Variants in SMARCA1 observed in about 807,000 individuals in gnomAD.
The protein encoded by SMARCA1 is SNF2 related chromatin remodeling ATPase 1.
In SMARCA1, 17 loss-of-function variants were observed where a neutral mutation model predicts 93.6. The observed-to-expected ratio is 0.18, with a 90% CI of 0.12 to 0.27. The LOEUF (loss-of-function observed/expected upper bound fraction) is 0.27, where lower values mean the gene tolerates loss of function less well. Ranked by LOEUF, SMARCA1 falls within the 10% of genes least tolerant of loss-of-function variation. SMARCA1 has a pLI of 1.00. For synonymous variants in SMARCA1, 271 were observed against 271.4 expected (o/e 1.00, Z 0.01); for missense variants, 630 against 819.0 (o/e 0.77, Z 2.82).
intron 5 of SMARCA1, among the ~76,000 whole-genome samples, chrX:129,512,284 T>C (rs1353702971): frequency 2.7e-5 from 3 of 112,270 alleles, no homozygotes; most frequent in Non-Finnish European, 3.8e-5. Context: ...CAATCTACTA[T>C]ATAATTTTTC....
chrX:129,472,501 T>A (rs1481057603), intron 19 of SMARCA1, among the ~76,000 whole-genome samples: 1 of 111,573 alleles, frequency 9.0e-6, no homozygotes, highest in Non-Finnish European at 1.9e-5. Context: ...AACTTAAAAA[T>A]TAACTATTAA....
intron 14 of SMARCA1, 99 bp from the exon 15 acceptor site, chrX:129,490,291 C>G: frequency 3.9e-6 from 2 of 508,153 alleles, no homozygotes; most frequent in South Asian, 5.5e-5. Context: ...AGTTATTTTT[C>G]TCTAGATCTG....
At chrX:129,510,689 A>C (rs760939214) in intron 6 of SMARCA1, among the ~76,000 whole-genome samples, 2 of 112,419 alleles carry the variant, frequency 1.8e-5, no homozygotes, top group Non-Finnish European at 3.8e-5. Context: ...CTAGATATTT[A>C]TCTTTTGCTT....
chrX:129,497,878 G>A lies in SMARCA1; in HGVS notation c.1471C>T (p.Leu491=). ...TTGAGTTTGGCCAATAGTTTATCCAGAACTACCATTTTACCACTGTTGCTG... is the reference window on the plus strand; with the variant it reads ...TTGAGTTTGGCCAATAGTTTATCCAAAACTACCATTTTACCACTGTTGCTG... ...IVSNSGKMVV[L]DKLLAKLKEQ... is the part of the protein sequence containing the mutation. The change falls in exon 11 of 25, where the codon CTG becomes TTG. Residue 491 remains leucine (L), a synonymous_variant. Coordinates refer to ENST00000371121, the MANE Select transcript of SMARCA1 (RefSeq NM_001282874.2). The A allele has an allele frequency of 8.3e-7, 1 of 1,206,990 alleles. No homozygotes were observed. Among genetic ancestry groups the A allele is most frequent in the Non-Finnish European group, 1.1e-6 (1 of 891,423 alleles).
chrX:129,482,939 A>G (rs1933747241), intron 17 of SMARCA1, among the ~76,000 whole-genome samples: 1 of 111,013 alleles, frequency 9.0e-6, no homozygotes, highest in Non-Finnish European at 1.9e-5. Context: ...TGGATAATAA[A>G]CCAAGATGAC....
chrX:129,467,840 T>C (rs1307184535), intron 21 of SMARCA1, among the ~76,000 whole-genome samples: 3 of 111,808 alleles, frequency 2.7e-5, no homozygotes, highest in Non-Finnish European at 5.6e-5. Flanking sequence ...GGGGCTATCA[T>C]AGAAACTTAA....
In SMARCA1 at chrX:129,508,005, T is replaced by C. The variant is rs751277009; in HGVS notation, c.902A>G (p.Lys301Arg). 3 of 1,185,438 alleles carry C rather than the reference T, an allele frequency of 2.5e-6. No individual in the cohort carries two copies. Among genetic ancestry groups the C allele is most frequent in the South Asian group, 1.8e-5 (1 of 54,266 alleles). Residue 301 changes from lysine to arginine, a missense_variant, in exon 7 of 25, where the codon AAA (lysine) becomes AGA (arginine). Lys to Arg is a conservative substitution (Grantham distance 26). This residue lies in a region of SMARCA1 where 382 missense variants were observed against 537.9 expected (regional missense o/e 0.71). Transcript: ENST00000371121. ...GACCAGGTATCGCCAGTGAAACTTT[T>C]TGAATACAGATTTTTCTTTAATTAC... The part of the protein sequence containing the change: ...EMVIKEKSVF[K>R]KFHWRYLVID...
intron 23 of SMARCA1, among the ~76,000 whole-genome samples, chrX:129,460,735 T>C (rs963420654): frequency 2.1e-4 from 23 of 111,871 alleles, no homozygotes; most frequent in African/African-American, 5.5e-4. Context: ...ACTGTGACTA[T>C]AGAACAAGTT....
At chrX:129,484,770 G>T (rs1231230649) in intron 17 of SMARCA1, among the ~76,000 whole-genome samples, 1 of 111,766 alleles carries the variant, frequency 8.9e-6, no homozygotes, top group Admixed American at 9.5e-5. Context: ...AATACATATA[G>T]ATGGAATGAA....
At chrX:129,491,698 GA>G (rs1017216996) in intron 14 of SMARCA1, among the ~76,000 whole-genome samples, 1 of 111,262 alleles carries the variant, frequency 9.0e-6, no homozygotes, top group African/African-American at 3.3e-5. Flanking sequence ...TCTATTTCAT[GA>G]AAAAAACCAA....
chrX:129,478,895 C>CGGAA (rs1781373276), intron 19 of SMARCA1, among the ~76,000 whole-genome samples: 2 of 111,700 alleles, frequency 1.8e-5, no homozygotes, highest in Admixed American at 1.9e-4. Flanking sequence ...GCAGAAAGAG[C>CGGAA]CCAGAACGTC....
intron 5 of SMARCA1, among the ~76,000 whole-genome samples, chrX:129,513,139 T>C (rs1225444722): frequency 1.8e-5 from 2 of 112,311 alleles, no homozygotes; most frequent in Non-Finnish European, 3.8e-5. Context: ...TGGTTACTTC[T>C]AAGTAGCAGA....
intron 19 of SMARCA1, among the ~76,000 whole-genome samples, chrX:129,479,804 T>C (rs1479697875): frequency 9.1e-6 from 1 of 110,129 alleles, no homozygotes; most frequent in African/African-American, 3.3e-5. Flanking sequence ...ATCAAGCGAT[T>C]CTCCTGCCTC....
chrX:129,499,253 G>C (rs758776584), intron 10 of SMARCA1, among the ~76,000 whole-genome samples: 17 of 110,911 alleles, frequency 1.5e-4, no homozygotes, highest in African/African-American at 5.2e-4. Flanking sequence ...TGTTGCCCAG[G>C]CTAGTCTTGA....
At chrX:129,501,610 TG>T (rs769531728) in intron 9 of SMARCA1, among the ~76,000 whole-genome samples, 97 of 98,683 alleles carry the variant, frequency 9.8e-4, no homozygotes, top group Non-Finnish European at 1.7e-3. Context: ...AAACTTTTTT[TG>T]GGGGGGGAGG....
chrX:129,497,840 C>T lies in SMARCA1; in HGVS notation c.1504+5G>A. 8.9e-7 allele frequency: 1 copy of T among 1,128,784 alleles called. No homozygotes were observed. The highest frequency in any genetic ancestry group is 1.2e-6 in the Non-Finnish European group (1 of 821,755). The allele number at this position is 1,128,784 out of a possible 1,213,427, so 93.0% of individuals were successfully genotyped here. On this transcript the variant is annotated splice_donor_5th_base_variant and intron_variant, in intron 11 of 24. Transcript: ENST00000371121. ...TCCATGCTAATTTAAAAATTTATTA[C>T]TCACCCTGTTCTTTGAGTTTGGCCA... is the stretch of plus-strand genomic sequence containing the variant.
intron 1 of SMARCA1, 60 bp downstream of exon 1, chrX:129,523,137 C>A: frequency 8.7e-7 from 1 of 1,151,196 alleles, no homozygotes; most frequent in East Asian, 3.1e-5. Context: ...AGGGTTTGGG[C>A]CCCTCAGAGG....
chrX:129,491,907 T>C (rs752138140), intron 14 of SMARCA1, 34 bp downstream of exon 14: 2 of 1,065,481 alleles, frequency 1.9e-6, no homozygotes, highest in Non-Finnish European at 1.3e-6. Context: ...TTCAGAGCTA[T>C]GATAAATTTC....
chrX:129,519,662 G>A (rs1031791586), intron 1 of SMARCA1, among the ~76,000 whole-genome samples: 15 of 111,587 alleles, frequency 1.3e-4, no homozygotes, highest in African/African-American at 4.9e-4. Context: ...CATCTGATAC[G>A]TACACATCTA....
Sources: gnomAD v4.1 joint callset for allele counts (sites outside exome capture counted in the v4.1 genomes callset) on GRCh38, gnomAD v4.1.1 for gene constraint, gnomAD v4.1.1 regional missense constraint, MANE v1.5 for transcripts, NCBI Gene and HGNC (gene_info 2026-07-23, HGNC 2026-07-21) for gene names.